Variants in SYT14 observed in about 807,000 individuals in gnomAD.
SYT14 encodes synaptotagmin 14.
Under a neutral mutation model 74.2 loss-of-function variants are expected in SYT14, and 32 were observed. That is an observed-to-expected ratio of 0.43 (90% confidence interval 0.33 to 0.58). SYT14 has a LOEUF of 0.58. Among genes scored for constraint, SYT14 ranks in the 20% least tolerant of loss-of-function variants. The pLI, the probability that SYT14 is intolerant of heterozygous loss-of-function variation, is 0.05. For synonymous variants in SYT14, 298 were observed against 337.7 expected (o/e 0.88, Z 1.29); for missense variants, 791 against 981.8 (o/e 0.81, Z 2.60).
Position 210,159,094 on chromosome 1 carries a change from TATTC to T in SYT14, c.2225-325_2225-322del, listed in dbSNP as rs1359619950. Among the ~76,000 whole-genome samples the T allele has an allele frequency of 2.0e-5, 3 of 152,312 alleles. No homozygotes were observed. The East Asian group carries it at 5.8e-4, about 29-fold the overall frequency. On this transcript the variant is annotated intron_variant, in intron 8 of 9. Coordinates refer to ENST00000637265, the Ensembl canonical transcript of SYT14. ...TAATAATTCTGATGATCTTTATAAT[TATTC>T]AGTCTTTTATAGTCTGATAATATGC...
intron 2 of SYT14, among the ~76,000 whole-genome samples, chr1:210,012,692 TTTTC>T (rs1363137390): frequency 4.5e-4 from 68 of 152,052 alleles, no homozygotes; most frequent in African/African-American, 1.3e-3. Flanking sequence ...GATATAACCT[TTTTC>T]TTTCTTTCTT....
intron 7 of SYT14, among the ~76,000 whole-genome samples, chr1:210,102,850 T>G (rs1178739590): frequency 6.7e-6 from 1 of 148,656 alleles, no homozygotes; most frequent in Admixed American, 6.7e-5. Flanking sequence ...CCTGGCTAAT[T>G]TTTTTTTTTT....
chr1:209,974,677 A>T (rs962931353), intron 2 of SYT14, among the ~76,000 whole-genome samples: 3 of 151,920 alleles, frequency 2.0e-5, no homozygotes, highest in African/African-American at 2.4e-5. Flanking sequence ...TTGGCATAGG[A>T]TTGACTTGGC....
At chr1:209,954,376 C>T (rs2078959397) in intron 2 of SYT14, among the ~76,000 whole-genome samples, 1 of 151,846 alleles carries the variant, frequency 6.6e-6, no homozygotes, top group South Asian at 2.1e-4. Flanking sequence ...TATGCTTTGC[C>T]CAGATTTCTC....
chr1:210,057,194 A>G (rs1188333964), intron 5 of SYT14, among the ~76,000 whole-genome samples: 1 of 152,178 alleles, frequency 6.6e-6, no homozygotes, highest in Non-Finnish European at 1.5e-5. Flanking sequence ...AAACCCAAAC[A>G]TGAGGTAGTA....
intron 5 of SYT14, among the ~76,000 whole-genome samples, chr1:210,090,781 A>T (rs1031031289): frequency 1.1e-4 from 17 of 152,136 alleles, no homozygotes; most frequent in African/African-American, 3.4e-4. Flanking sequence ...TTATTTAAAA[A>T]TTTTTCTTAT....
chr1:210,038,370 G>T (rs138337508), intron 5 of SYT14, among the ~76,000 whole-genome samples: 1,882 of 152,064 alleles, frequency 0.012, 18 homozygotes, highest in Non-Finnish European at 0.017. Context: ...TTACAAATCT[G>T]TTCTGCCAAT....
In SYT14 at chr1:210,116,911, C is replaced by A. The variant is rs12026557; in HGVS notation, c.2034+16450C>A. On this transcript the variant is annotated intron_variant, in intron 7 of 9. Transcript: ENST00000637265. ...AGTTTCATATAATATAATATTATTT[C>A]TTGAGAGGTGTCAGTATCCTGCCCC... Among the ~76,000 whole-genome samples, 769 of 152,184 alleles carry A rather than the reference C, an allele frequency of 5.1e-3. 14 individuals carry two copies. The highest frequency in any genetic ancestry group is 0.047 in the East Asian group (245 of 5,180).
rs541848320 is a variant in SYT14, at chr1:210,073,203, G to A, written c.1313-21119G>A. 7.9e-5 allele frequency among the ~76,000 whole-genome samples: 12 copies of A among 151,894 alleles called. No homozygotes were observed. The East Asian group carries it at 2.3e-3, about 29-fold the overall frequency. ...TTTCAATGGTAAGTTCATAACAATG[G>A]TCAAAACATTAATGCAAAGATTTTT... On this transcript the variant is annotated intron_variant, in intron 5 of 9. Coordinates refer to ENST00000637265, the Ensembl canonical transcript of SYT14.
intron 2 of SYT14, among the ~76,000 whole-genome samples, chr1:209,978,999 C>T (rs6682334): frequency 0.46 from 69,779 of 152,090 alleles, 17,248 homozygotes; most frequent in Non-Finnish European, 0.56. Context: ...TAGGACCCTC[C>T]GAGCCAGGCG....
At chr1:210,059,046 C>T (rs570606756) in intron 5 of SYT14, among the ~76,000 whole-genome samples, 1 of 152,026 alleles carries the variant, frequency 6.6e-6, no homozygotes, top group Non-Finnish European at 1.5e-5. Flanking sequence ...GCACTGTGAA[C>T]TATGAACTAT....
chr1:210,165,720 G>C (rs2083448723), exon 10 of SYT14: 1 of 152,122 alleles, frequency 6.6e-6, no homozygotes, highest in Non-Finnish European at 1.5e-5. Flanking sequence ...CTTCCCCCTA[G>C]GTAAGTAGTC....
chr1:210,114,344 TG>T, intron 7 of SYT14, among the ~76,000 whole-genome samples: 1 of 151,538 alleles, frequency 6.6e-6, no homozygotes, highest in South Asian at 2.1e-4. Flanking sequence ...GAAGTTCTTG[TG>T]TGCTGGAGAT....
intron 5 of SYT14, among the ~76,000 whole-genome samples, chr1:210,073,879 G>A (rs944777800): frequency 6.6e-6 from 1 of 151,832 alleles, no homozygotes; most frequent in African/African-American, 2.4e-5. Context: ...ATCAATTATG[G>A]TATGTTATTT....
At chr1:210,096,233 T>G (rs1311714469) in intron 6 of SYT14, among the ~76,000 whole-genome samples, 1 of 152,196 alleles carries the variant, frequency 6.6e-6, no homozygotes, top group Non-Finnish European at 1.5e-5. Context: ...TCTTAACAAC[T>G]ATATTATATT....
At chr1:210,016,776 A>G (rs2080192731) in exon 4 of SYT14, 5 of 1,231,858 alleles carry the variant, frequency 4.1e-6, no homozygotes, top group Non-Finnish European at 5.1e-6. Context: ...GGGCATTCAG[A>G]TCATTTAAAG....
intron 5 of SYT14, among the ~76,000 whole-genome samples, chr1:210,093,938 C>A (rs1020589824): frequency 4.6e-5 from 7 of 152,100 alleles, no homozygotes; most frequent in African/African-American, 1.7e-4. Flanking sequence ...TTTTTCCAAC[C>A]ATATTTGTAT....
At position 209,990,549 on chromosome 1, in the gene SYT14, G is replaced by GTATATATACGTATA. The variant is rs2079652051; in HGVS notation, c.-485-23076_-485-23075insCGTATATATATATA. ...CATATATATATATACGTATATATATGTATATATATACGTATATATATGTAT... is the reference window on the plus strand; with the variant it reads ...CATATATATATATACGTATATATATGTATATATACGTATATATATATATACGTATATATATGTAT... On this transcript the variant is annotated intron_variant, in intron 2 of 9. Transcript: ENST00000637265. Among the ~76,000 whole-genome samples, 47 of 56,876 alleles carry GTATATATACGTATA rather than the reference G, an allele frequency of 8.3e-4. 4 individuals carry two copies. The highest frequency in any genetic ancestry group is 0.01 in the Middle Eastern group (1 of 98). The allele number at this position is 56,876 out of a possible 152,430, so 37.3% of individuals were successfully genotyped here. A position where few individuals can be genotyped will look rare whatever the true frequency, so the allele number is the denominator to read the frequency against.
At chr1:210,151,506 C>CCA (rs1166978582) in intron 7 of SYT14, among the ~76,000 whole-genome samples, 1 of 132,936 alleles carries the variant, frequency 7.5e-6, no homozygotes, top group Non-Finnish European at 1.5e-5. Context: ...AGGCGAATGC[C>CCA]CCCCCCCTTT....
Sources: gnomAD v4.1 joint callset for allele counts (sites outside exome capture counted in the v4.1 genomes callset) on GRCh38, gnomAD v4.1.1 for gene constraint, MANE v1.5 for transcripts, NCBI Gene and HGNC (gene_info 2026-07-23, HGNC 2026-07-21) for gene names.